Variants in CNOT11 observed in about 807,000 individuals in gnomAD.
CNOT11 encodes CCR4-NOT transcription complex subunit 11.
CNOT11 carries 18 observed loss-of-function variants against 44.6 expected under a neutral mutation model. The observed-to-expected ratio is 0.40, with a 90% CI of 0.28 to 0.60. The LOEUF (loss-of-function observed/expected upper bound fraction) is 0.60. CNOT11 is among the 20% of genes least tolerant of loss of function. The pLI, the probability that CNOT11 is intolerant of heterozygous loss-of-function variation, is 0.38. For synonymous variants in CNOT11, 291 were observed against 270.9 expected (o/e 1.07, Z -0.73); for missense variants, 513 against 677.0 (o/e 0.76, Z 2.69).
chr2:101,257,769 C>T lies in CNOT11; in HGVS notation c.515-22C>T, dbSNP rs376624499. On this transcript the variant is annotated intron_variant, in intron 1 of 6. Transcript: ENST00000289382. ...TTTTAAAAGTAACCATTGGAGAAAT[C>T]GTTATACATTTTTGTTTGCAGGATT... The T allele has an allele frequency of 1.7e-4, 276 of 1,591,224 alleles. No homozygotes were observed. In the African/African-American group the frequency reaches 3.4e-3, roughly 20 times the overall value.
Position 101,253,459 on chromosome 2 carries a change from C to T in CNOT11, c.495C>T (p.Pro165=). The T allele has an allele frequency of 1.3e-6, 2 of 1,497,656 alleles. No homozygotes were observed. 92.8% of individuals were successfully genotyped at this position (1,497,656 alleles called of 1,614,324 possible). The change falls in exon 1 of 7, where the codon CCC becomes CCT. Residue 165 remains proline (P), a synonymous_variant. Coordinates refer to ENST00000289382, the MANE Select transcript of CNOT11 (RefSeq NM_017546.5). This position sits in a 1 kb window ranked among gnomAD's most constrained non-coding sequence, Gnocchi z 4.3. ...PAPPARGGQE[P]DRPPLSGFLP... ...CGCCCGCCCGCGGCGGCCAGGAACC[C>T]GACCGCCCTCCGCTCTCAGGTACCT... is the stretch of plus-strand genomic sequence containing the variant.
intron 3 of CNOT11, among the ~76,000 whole-genome samples, chr2:101,264,235 T>C (rs2104367865): frequency 6.6e-6 from 1 of 152,334 alleles, no homozygotes; most frequent in African/African-American, 2.4e-5. Flanking sequence ...AATAGTTGAG[T>C]TGAACCACTT....
intron 4 of CNOT11, 116 bp downstream of exon 4, chr2:101,265,163 C>T (rs932634672): frequency 8.1e-6 from 5 of 617,756 alleles, no homozygotes; most frequent in South Asian, 3.5e-5. Context: ...TGCAGTGGCA[C>T]GATCTCGGCT....
At chr2:101,262,949 C>T (rs1039776124) in intron 3 of CNOT11, among the ~76,000 whole-genome samples, 19 of 152,150 alleles carry the variant, frequency 1.2e-4, no homozygotes, top group African/African-American at 4.6e-4. Flanking sequence ...AGGCTGGGCG[C>T]AGTGGCTCAC....
Position 101,253,329 on chromosome 2 carries a change from C to T in CNOT11, c.365C>T (p.Ala122Val). Residue 122 changes from alanine to valine, a missense_variant, in exon 1 of 7, where the codon GCG becomes GTG. By Grantham distance (64) the Ala-to-Val change is moderately conservative. Transcript: ENST00000289382. This position sits in a 1 kb window ranked among gnomAD's most constrained non-coding sequence, Gnocchi z 4.3. ...LQQPDLLPSA[A>V]QRLTALYLLW... ...CAGCCCGACCTGCTGCCTAGCGCGGCGCAGCGCCTCACGGCGCTCTACCTG... is the reference window on the plus strand; with the variant it reads ...CAGCCCGACCTGCTGCCTAGCGCGGTGCAGCGCCTCACGGCGCTCTACCTG... 1 of 1,605,838 alleles carries T rather than the reference C, an allele frequency of 6.2e-7. No homozygotes were observed. The highest frequency in any genetic ancestry group is 1.1e-5 in the South Asian group (1 of 90,866).
At chr2:101,265,077 C>A in intron 4 of CNOT11, 30 bp downstream of exon 4, 1 of 1,328,602 alleles carries the variant, frequency 7.5e-7, no homozygotes, top group Non-Finnish European at 1.0e-6. Flanking sequence ...ATTTTCTTAT[C>A]TTTTTTTTTA....
At position 101,253,106 on chromosome 2, in the gene CNOT11, G is replaced by A. The variant is rs1043052747; in HGVS notation, c.142G>A (p.Gly48Arg). 2 of 1,517,972 alleles carry A rather than the reference G, an allele frequency of 1.3e-6. No individual in the cohort carries two copies. The highest frequency in any genetic ancestry group is 1.5e-5 in the African/African-American group (1 of 68,918). 94.0% of individuals were successfully genotyped at this position (1,517,972 alleles called of 1,614,324 possible). ...CGGCAGAGGCGGAGCAAGCGGCCCC[G>A]GGTCCGGGAGCGGAGGCCCGGGGGG... ...GGGRGGASGP[G>R]SGSGGPGGPA... The change falls in exon 1 of 7, where the codon GGG becomes AGG. Residue 48 changes from glycine to arginine, a missense_variant. This residue lies in a region of CNOT11 where 259 missense variants were observed against 265.7 expected (regional missense o/e 0.97). Transcript: ENST00000289382. This position sits in a 1 kb window ranked among gnomAD's most constrained non-coding sequence, Gnocchi z 4.3.
rs1573194812 is a variant in CNOT11 at position 101,253,060 on chromosome 2, C to T, written c.96C>T (p.Ser32=). 3 of 1,517,234 alleles carry T rather than the reference C, an allele frequency of 2.0e-6. No homozygotes were observed. The East Asian group carries it at 8.0e-5, about 41-fold the overall frequency. The allele number at this position is 1,517,234 out of a possible 1,614,324, so 94.0% of individuals were successfully genotyped here. A position where few individuals can be genotyped will look rare whatever the true frequency, so the allele number is the denominator to read the frequency against. Residue 32 remains serine, a synonymous_variant, in exon 1 of 7, where the codon AGC becomes AGT. Coordinates refer to ENST00000289382, the MANE Select transcript of CNOT11 (RefSeq NM_017546.5). The surrounding 1 kb of genome is among the most constrained non-coding windows in gnomAD (Gnocchi z 4.3). ...AAGCGGCAGGGTCGGCGTCCAGGAGCGGCTTCGGGGGCTCCGGCGGCGGCA... is the reference window on the plus strand; with the variant it reads ...AAGCGGCAGGGTCGGCGTCCAGGAGTGGCTTCGGGGGCTCCGGCGGCGGCA... The part of the protein sequence containing the change: ...SREAAGSASR[S]GFGGSGGGRG...
chr2:101,264,074 C>T (rs982971701), intron 3 of CNOT11, among the ~76,000 whole-genome samples: 1 of 152,214 alleles, frequency 6.6e-6, no homozygotes, highest in African/African-American at 2.4e-5. Context: ...ACAGTAGACT[C>T]TCAAATTTGG....
At position 101,262,603 on chromosome 2, in the gene CNOT11, C is replaced by T. The variant is rs756989016; in HGVS notation, c.744C>T (p.Asp248=). ...TCCCCAGTATTCTCAGTGACCCAGA[C>T]CCGGATTCTTCTAATTCTGGATTTG... ...ASFPSILSDP[D]PDSSNSGFDS... The change falls in exon 3 of 7, where the codon GAC becomes GAT. Residue 248 remains aspartate (D), a synonymous_variant. Transcript: ENST00000289382. The T allele has an allele frequency of 6.8e-6, 11 of 1,614,134 alleles. 1 individual carries two copies. The highest frequency in any genetic ancestry group is 5.5e-5 in the South Asian group (5 of 91,086).
At chr2:101,257,305 A>C (rs1375493895) in intron 1 of CNOT11, among the ~76,000 whole-genome samples, 1 of 151,698 alleles carries the variant, frequency 6.6e-6, no homozygotes, top group African/African-American at 2.4e-5. Flanking sequence ...AGGCAGGAGA[A>C]TCTCTTGAAC....
intron 2 of CNOT11, among the ~76,000 whole-genome samples, chr2:101,260,916 T>A (rs1434901739): frequency 6.6e-6 from 1 of 152,140 alleles, no homozygotes; most frequent in Non-Finnish European, 1.5e-5. Flanking sequence ...CATTACAGGA[T>A]AATTTTAGTG....
intron 2 of CNOT11, among the ~76,000 whole-genome samples, chr2:101,261,861 T>TA (rs1234471726): frequency 5.3e-4 from 78 of 146,726 alleles, no homozygotes; most frequent in African/African-American, 1.7e-3. Flanking sequence ...TTTTTTTTTT[T>TA]TTTGAGATGG....
chr2:101,261,547 A>G (rs1681863059), intron 2 of CNOT11, among the ~76,000 whole-genome samples: 2 of 152,206 alleles, frequency 1.3e-5, no homozygotes, highest in African/African-American at 4.8e-5. Flanking sequence ...ATGGAAAGAA[A>G]TGCACATGTA....
chr2:101,257,393 CAAA>C (rs574971165), intron 1 of CNOT11, among the ~76,000 whole-genome samples: 21 of 74,394 alleles, frequency 2.8e-4, no homozygotes, highest in African/African-American at 1.0e-3. Flanking sequence ...GACTTCATCT[CAAA>C]AAAAAAAAAA....
rs761022761 is a variant in CNOT11, at chr2:101,266,631, CCTTT to C, written c.1036-43_1036-40del. ...ATGGGAAAAAAAATTGACTCAACAC[CCTTT>C]CTCTCTCCCTCTCTCTCTCTTTAAA... is the stretch of plus-strand genomic sequence containing the variant. On this transcript the variant is annotated intron_variant, in intron 4 of 6. Coordinates refer to ENST00000289382, the MANE Select transcript of CNOT11 (RefSeq NM_017546.5). 5.5e-6 allele frequency: 8 copies of C among 1,466,402 alleles called. No homozygotes were observed. The East Asian group carries it at 6.8e-5, about 12-fold the overall frequency. 90.8% of individuals were successfully genotyped at this position (1,466,402 alleles called of 1,614,324 possible).
intron 1 of CNOT11, among the ~76,000 whole-genome samples, chr2:101,256,117 C>G (rs1235655583): frequency 6.9e-6 from 1 of 145,328 alleles, no homozygotes; most frequent in African/African-American, 2.6e-5. Context: ...CCAGCCTGAG[C>G]AACAGAGTGA....
intron 1 of CNOT11, among the ~76,000 whole-genome samples, chr2:101,255,781 G>A (rs1458049752): frequency 6.6e-6 from 1 of 152,098 alleles, no homozygotes. Flanking sequence ...GATATTTTTT[G>A]CTGGATATTG....
Position 101,265,060 on chromosome 2 carries a change from T to A in CNOT11, c.1035+13T>A. The A allele has an allele frequency of 6.8e-7, 1 of 1,478,302 alleles. No homozygotes were observed. Among genetic ancestry groups the A allele is most frequent in the Non-Finnish European group, 9.1e-7 (1 of 1,102,694 alleles). The allele number at this position is 1,478,302 out of a possible 1,614,324, so 91.6% of individuals were successfully genotyped here. A position where few individuals can be genotyped will look rare whatever the true frequency, so the allele number is the denominator to read the frequency against. On this transcript the variant is annotated intron_variant, in intron 4 of 6. Transcript: ENST00000289382. ...CCAACAAACACAGGTGTGTATTGAT[T>A]GTAAGCATTTTCTTATCTTTTTTTT...
Sources: allele counts gnomAD v4.1 joint callset (sites outside exome capture counted in the v4.1 genomes callset), GRCh38; gene constraint gnomAD v4.1.1; regional missense constraint gnomAD v4.1.1; non-coding constraint Gnocchi (gnomAD v3.1); transcripts MANE v1.5; gene names NCBI Gene and HGNC (gene_info 2026-07-23, HGNC 2026-07-21).